The following LPAR1 variants were observed in gnomAD, a reference collection of about 807,000 sequenced individuals.
LPAR1 encodes the protein lysophosphatidic acid receptor 1.
A neutral mutation model predicts 23.8 loss-of-function variants in LPAR1; 5 were observed. The observed-to-expected ratio is 0.21, with a 90% CI of 0.11 to 0.44. LPAR1 has a LOEUF of 0.44. Ranked by LOEUF, LPAR1 falls within the 20% of genes least tolerant of loss-of-function variation. LPAR1 has a pLI of 0.99. For missense variants in LPAR1, 311 were observed against 482.8 expected (o/e 0.64, Z 3.33); for synonymous variants, 160 against 164.7 (o/e 0.97, Z 0.22).
intron 2 of LPAR1, among the ~76,000 whole-genome samples, chr9:111,028,901 T>A (rs1314053481): frequency 6.6e-6 from 1 of 152,132 alleles, no homozygotes; most frequent in African/African-American, 2.4e-5. Context: ...CTAATTATTG[T>A]AAGGATTTTT....
At chr9:110,923,121 T>C (rs2135272422) in intron 5 of LPAR1, among the ~76,000 whole-genome samples, 1 of 152,242 alleles carries the variant, frequency 6.6e-6, no homozygotes, top group East Asian at 1.9e-4. Context: ...GTCCTGACCC[T>C]TGTGGTCTGG....
chr9:110,924,720 A>G (rs2093887542), intron 5 of LPAR1, among the ~76,000 whole-genome samples: 1 of 152,174 alleles, frequency 6.6e-6, no homozygotes, highest in Non-Finnish European at 1.5e-5. Context: ...TTCAGTACTT[A>G]ACAAGGTAAA....
At chr9:110,910,908 A>AG (rs1237753398) in intron 5 of LPAR1, among the ~76,000 whole-genome samples, 2 of 152,174 alleles carry the variant, frequency 1.3e-5, no homozygotes, top group Non-Finnish European at 2.9e-5. Context: ...CTTCTTATGG[A>AG]GGAGCAAAGA....
At chr9:110,952,890 G>A (rs2095614728) in intron 4 of LPAR1, among the ~76,000 whole-genome samples, 1 of 152,038 alleles carries the variant, frequency 6.6e-6, no homozygotes, top group Non-Finnish European at 1.5e-5. Context: ...CCATCCAGGG[G>A]CCTTGGGATC....
intron 2 of LPAR1, among the ~76,000 whole-genome samples, chr9:110,975,750 C>T (rs2096541176): frequency 1.3e-5 from 2 of 152,168 alleles, no homozygotes; most frequent in South Asian, 2.1e-4. Flanking sequence ...TTGGATGTTT[C>T]ATTTCCTTGA....
At chr9:111,038,667 C>A (rs115636908), upstream of LPAR1, 2,730 of 454,928 alleles carry the variant, frequency 6.0e-3, 71 homozygotes, top group African/African-American at 0.05. This position sits in a 1 kb window ranked among gnomAD's most constrained non-coding sequence, Gnocchi z 4.4. Flanking sequence ...GTGGCGCCCC[C>A]AGCGCCCCTG....
At chr9:110,975,677 C>T (rs145703437) in intron 2 of LPAR1, among the ~76,000 whole-genome samples, 26 of 152,242 alleles carry the variant, frequency 1.7e-4, no homozygotes, top group African/African-American at 5.5e-4. Context: ...TGCAGAGTAA[C>T]CCTGAGACAG....
At chr9:110,897,467 G>C (rs2086827813) in intron 5 of LPAR1, among the ~76,000 whole-genome samples, 1 of 152,174 alleles carries the variant, frequency 6.6e-6, no homozygotes, top group Admixed American at 6.5e-5. Flanking sequence ...GTCTTTATCA[G>C]CAGTGTGAAA....
At chr9:110,885,299 G>A (rs1392034083) in intron 5 of LPAR1, among the ~76,000 whole-genome samples, 5 of 152,156 alleles carry the variant, frequency 3.3e-5, no homozygotes, top group African/African-American at 1.2e-4. Flanking sequence ...CGTTATGCAG[G>A]AAACATTCCT....
chr9:110,969,900 T>C (rs2096358899), intron 4 of LPAR1, among the ~76,000 whole-genome samples: 1 of 152,182 alleles, frequency 6.6e-6, no homozygotes, highest in Non-Finnish European at 1.5e-5. Context: ...GTGAGTGGTT[T>C]TCTAATGTAG....
intron 4 of LPAR1, among the ~76,000 whole-genome samples, chr9:110,969,314 TTAATGGTATCTTCCCA>T (rs2096330988): frequency 6.6e-6 from 1 of 152,214 alleles, no homozygotes; most frequent in Non-Finnish European, 1.5e-5. Context: ...TTTTAGAATT[TTAATGGTATCTTCCCA>T]TAAGTACTAT....
chr9:110,951,496 CAGAAG>C (rs1473529183), intron 4 of LPAR1, among the ~76,000 whole-genome samples: 1 of 152,054 alleles, frequency 6.6e-6, no homozygotes, highest in Non-Finnish European at 1.5e-5. Flanking sequence ...AGGCAATTCA[CAGAAG>C]AGAAAACCTT....
intron 5 of LPAR1, among the ~76,000 whole-genome samples, chr9:110,917,247 G>T (rs2093234136): frequency 6.6e-6 from 1 of 152,008 alleles, no homozygotes; most frequent in African/African-American, 2.4e-5. Context: ...TACTTGGGAG[G>T]CTGGGGAAGG....
intron 4 of LPAR1, among the ~76,000 whole-genome samples, chr9:110,956,074 C>T (rs1198195538): frequency 2.0e-5 from 3 of 151,964 alleles, no homozygotes; most frequent in South Asian, 2.1e-4. Flanking sequence ...AGGATGAGTT[C>T]GTGTCCTTTG....
chr9:110,958,328 A>G (rs571652351), intron 4 of LPAR1, among the ~76,000 whole-genome samples: 2 of 152,364 alleles, frequency 1.3e-5, no homozygotes, highest in East Asian at 3.9e-4. Context: ...ACTTCAAAAT[A>G]TATCACAAAG....
chr9:111,012,762 A>G (rs2097358057), intron 2 of LPAR1, among the ~76,000 whole-genome samples: 1 of 152,114 alleles, frequency 6.6e-6, no homozygotes, highest in Non-Finnish European at 1.5e-5. Flanking sequence ...GGTGGTAAAA[A>G]ACTAAGAAAC....
At chr9:110,948,984 G>T (rs994517041) in intron 4 of LPAR1, among the ~76,000 whole-genome samples, 18 of 151,666 alleles carry the variant, frequency 1.2e-4, no homozygotes, top group Admixed American at 3.3e-4. Context: ...TCAGGCTCCA[G>T]ATTGGAAAAT....
chr9:110,916,591 G>A (rs927077756), intron 5 of LPAR1, among the ~76,000 whole-genome samples: 3 of 33,878 alleles, frequency 8.9e-5, no homozygotes, highest in Non-Finnish European at 1.6e-4. Flanking sequence ...CAGACCCTCC[G>A]TAGGAAGACC....
Position 110,893,426 on chromosome 9 carries a change from G to A in LPAR1, c.794-17704C>T, listed in dbSNP as rs374100934. ...ACTGCTCTATCATATTTACCCACAT[G>A]GGAAGATACGCACATTACATTAAGT... is the stretch of plus-strand genomic sequence containing the variant. On this transcript the variant is annotated intron_variant, in intron 5 of 5. Transcript: ENST00000683809. 2.2e-4 allele frequency among the ~76,000 whole-genome samples: 34 copies of A among 152,274 alleles called. 1 individual carries two copies. In the South Asian group the frequency reaches 7.0e-3, roughly 32 times the overall value.
Sources: allele counts gnomAD v4.1 joint callset (sites outside exome capture counted in the v4.1 genomes callset), GRCh38; gene constraint gnomAD v4.1.1; non-coding constraint Gnocchi (gnomAD v3.1); transcripts MANE v1.5; gene names NCBI Gene and HGNC (gene_info 2026-07-23, HGNC 2026-07-21).